Variants in RNF220 observed in about 807,000 individuals in gnomAD.
The protein encoded by RNF220 is E3 ubiquitin-protein ligase RNF220.
In RNF220, 7 loss-of-function variants were observed where a neutral mutation model predicts 67.1. The ratio of observed to expected loss-of-function variants is 0.10; its 90% confidence interval spans 0.06 to 0.20. The LOEUF is 0.20. Ranked by LOEUF, RNF220 falls within the 10% of genes least tolerant of loss-of-function variation. RNF220 has a pLI of 1.00. For synonymous variants in RNF220, 270 were observed against 283.2 expected (o/e 0.95, Z 0.47); for missense variants, 565 against 740.3 (o/e 0.76, Z 2.75).
At chr1:44,483,195 C>T (rs72895522) in intron 2 of RNF220, among the ~76,000 whole-genome samples, 3,366 of 152,148 alleles carry the variant, frequency 0.022, 147 homozygotes, top group African/African-American at 0.078. Context: ...CCTCCCAAAG[C>T]GCCAGGATTG....
chr1:44,563,218 A>G (rs1663722664), intron 2 of RNF220, among the ~76,000 whole-genome samples: 1 of 150,822 alleles, frequency 6.6e-6, no homozygotes, highest in African/African-American at 2.4e-5. Flanking sequence ...TTTCCTGGTG[A>G]GCTCCTAGGT....
intron 2 of RNF220, among the ~76,000 whole-genome samples, chr1:44,591,606 A>C (rs1666118906): frequency 2.0e-5 from 3 of 152,212 alleles, no homozygotes; most frequent in Admixed American, 2.0e-4. Flanking sequence ...CCAGAGCGTG[A>C]ACTTCTGCAA....
intron 2 of RNF220, among the ~76,000 whole-genome samples, chr1:44,454,449 T>C (rs1652976179): frequency 6.6e-6 from 1 of 152,164 alleles, no homozygotes; most frequent in African/African-American, 2.4e-5. Context: ...GATTTTCTAT[T>C]GAAAATTAAA....
At chr1:44,478,842 A>G (rs983595601) in intron 2 of RNF220, among the ~76,000 whole-genome samples, 22 of 152,242 alleles carry the variant, frequency 1.4e-4, no homozygotes, top group Admixed American at 1.2e-3. Context: ...CTCTCTGATT[A>G]GGCTCTGATT....
chr1:44,601,108 G>A (rs560064953), intron 2 of RNF220, among the ~76,000 whole-genome samples: 1 of 152,178 alleles, frequency 6.6e-6, no homozygotes, highest in Admixed American at 6.5e-5. Flanking sequence ...CCTAGACCCC[G>A]GTATATTGCC....
intron 2 of RNF220, among the ~76,000 whole-genome samples, chr1:44,434,122 T>C (rs1572488330): frequency 6.6e-6 from 1 of 152,064 alleles, no homozygotes; most frequent in African/African-American, 2.4e-5. Flanking sequence ...TTGGAACATA[T>C]TTGAATTGGA....
chr1:44,536,571 C>T (rs1661237897), intron 2 of RNF220, among the ~76,000 whole-genome samples: 1 of 152,230 alleles, frequency 6.6e-6, no homozygotes, highest in Non-Finnish European at 1.5e-5. Flanking sequence ...ACCCTTGTCG[C>T]TTTCCTCTGG....
Position 44,636,182 on chromosome 1 carries a change from A to G in RNF220, c.1126+20A>G. ...TCCGAGGTACAAGCAGCTGACACGT[A>G]GACATTGGCACTCTGGTGCCAGGCC... On this transcript the variant is annotated intron_variant, in intron 8 of 14. Coordinates refer to ENST00000361799, the MANE Select transcript of RNF220 (RefSeq NM_018150.4). 1.9e-6 allele frequency: 3 copies of G among 1,586,612 alleles called. No individual in the cohort carries two copies. Among genetic ancestry groups the G allele is most frequent in the Non-Finnish European group, 1.7e-6 (2 of 1,162,356 alleles).
chr1:44,638,218 A>G (rs1573157957), intron 8 of RNF220: 1 of 152,216 alleles, frequency 6.6e-6, no homozygotes, highest in Non-Finnish European at 1.5e-5. Context: ...AGTGCAGCGC[A>G]TTGATCGCCC....
chr1:44,519,771 G>A (rs1182973822), intron 2 of RNF220, among the ~76,000 whole-genome samples: 1 of 152,170 alleles, frequency 6.6e-6, no homozygotes, highest in African/African-American at 2.4e-5. Context: ...CAGTCCCTGT[G>A]ACTCACAGTA....
intron 2 of RNF220, among the ~76,000 whole-genome samples, chr1:44,491,692 C>T (rs537321076): frequency 4.7e-4 from 72 of 151,760 alleles, no homozygotes; most frequent in African/African-American, 1.5e-3. Flanking sequence ...GAGACAAGGT[C>T]TCACTCTGTC....
chr1:44,632,042 G>A (rs1408137843), intron 5 of RNF220: 5 of 1,080,460 alleles, frequency 4.6e-6, no homozygotes, highest in African/African-American at 1.7e-5. Flanking sequence ...GAATCCGCCC[G>A]CATCGCCGCC....
At chr1:44,599,701 G>A (rs979047146) in intron 2 of RNF220, among the ~76,000 whole-genome samples, 3 of 152,336 alleles carry the variant, frequency 2.0e-5, no homozygotes, top group Middle Eastern at 3.4e-3. Flanking sequence ...CCCATGGGGA[G>A]ATGATGGCAT....
chr1:44,518,223 C>T (rs534934336), intron 2 of RNF220, among the ~76,000 whole-genome samples: 3 of 151,446 alleles, frequency 2.0e-5, no homozygotes, highest in East Asian at 3.9e-4. Context: ...GCCAGGAGTT[C>T]GAGAATAGCC....
chr1:44,553,200 C>CGTCA (rs150454403), intron 2 of RNF220, among the ~76,000 whole-genome samples: 1 of 83,510 alleles, frequency 1.2e-5, no homozygotes, highest in Non-Finnish European at 3.2e-5. Context: ...CATACCCACT[C>CGTCA]TTCTAATAAG....
At chr1:44,572,290 C>T (rs1469820977) in intron 2 of RNF220, among the ~76,000 whole-genome samples, 1 of 152,226 alleles carries the variant, frequency 6.6e-6, no homozygotes, top group Non-Finnish European at 1.5e-5. Context: ...ATCTTTATAG[C>T]CTCTGTGTCC....
intron 2 of RNF220, among the ~76,000 whole-genome samples, chr1:44,488,321 G>T (rs543194217): frequency 6.6e-6 from 1 of 151,498 alleles, no homozygotes; most frequent in African/African-American, 2.4e-5. Context: ...AGAGGACAGG[G>T]TTTCACCATG....
intron 2 of RNF220, among the ~76,000 whole-genome samples, chr1:44,495,664 G>T (rs1385199598): frequency 6.6e-6 from 1 of 152,226 alleles, no homozygotes; most frequent in Non-Finnish European, 1.5e-5. Context: ...TCAAACTCCT[G>T]ACCTTGTGAT....
At chr1:44,454,983 A>G (rs1008876061) in intron 2 of RNF220, among the ~76,000 whole-genome samples, 2 of 152,212 alleles carry the variant, frequency 1.3e-5, no homozygotes, top group African/African-American at 4.8e-5. Flanking sequence ...GCAGTTATGA[A>G]TAAAGCTACT....
Sources: allele counts gnomAD v4.1 joint callset (sites outside exome capture counted in the v4.1 genomes callset), GRCh38; gene constraint gnomAD v4.1.1; transcripts MANE v1.5; gene names NCBI Gene and HGNC (gene_info 2026-07-23, HGNC 2026-07-21).